ARB2A: variants seen among roughly 807,000 people sequenced by gnomAD.
ARB2A encodes the protein cotranscriptional regulator ARB2A.
At chr5:93,874,912 T>C in the ARB2A span, among the ~76,000 whole-genome samples, 1 of 152,208 alleles carries the variant, frequency 6.6e-6, no homozygotes, top group Non-Finnish European at 1.5e-5. Context: ...GAGTCTCAAC[T>C]TGAGAAATGA....
chr5:94,063,530 C>T, the ARB2A span, among the ~76,000 whole-genome samples: 4 of 152,262 alleles, frequency 2.6e-5, no homozygotes, highest in Non-Finnish European at 4.4e-5. Context: ...TATAGGCACA[C>T]AAGTAAGCCA....
chr5:93,675,824 C>T, the ARB2A span, among the ~76,000 whole-genome samples: 1 of 152,192 alleles, frequency 6.6e-6, no homozygotes, highest in South Asian at 2.1e-4. Context: ...TTCAGTGTCT[C>T]TAATTTTCTG....
the ARB2A span, among the ~76,000 whole-genome samples, chr5:93,961,727 A>C: frequency 1.2e-4 from 19 of 152,278 alleles, no homozygotes; most frequent in African/African-American, 4.1e-4. Context: ...TTAAAAAAAA[A>C]CACTGCTAAA....
the ARB2A span, among the ~76,000 whole-genome samples, chr5:93,698,831 T>C: frequency 2.6e-5 from 4 of 152,210 alleles, no homozygotes; most frequent in African/African-American, 9.7e-5. Context: ...TCATGAAGCT[T>C]ACAGTTTATT....
At chr5:93,701,745 A>G in the ARB2A span, among the ~76,000 whole-genome samples, 3 of 152,206 alleles carry the variant, frequency 2.0e-5, no homozygotes, top group African/African-American at 2.4e-5. Flanking sequence ...GTAAGCAGCA[A>G]TAACAGAATT....
chr5:93,680,449 T>C, the ARB2A span, among the ~76,000 whole-genome samples: 1 of 152,250 alleles, frequency 6.6e-6, no homozygotes, highest in Admixed American at 6.5e-5. Flanking sequence ...GAGTTATGTC[T>C]GGAATATACC....
At chr5:94,110,313 T>G in the ARB2A span, among the ~76,000 whole-genome samples, 1 of 152,368 alleles carries the variant, frequency 6.6e-6, no homozygotes, top group Non-Finnish European at 1.5e-5. Flanking sequence ...TCCCATCACC[T>G]GAACACTATC....
the ARB2A span, among the ~76,000 whole-genome samples, chr5:93,906,511 C>G: frequency 6.6e-6 from 1 of 151,458 alleles, no homozygotes; most frequent in Non-Finnish European, 1.5e-5. Flanking sequence ...GAAAAATGTA[C>G]AGCAATTTGT....
chr5:93,788,107 C>T, the ARB2A span, among the ~76,000 whole-genome samples: 1 of 151,956 alleles, frequency 6.6e-6, no homozygotes, highest in African/African-American at 2.4e-5. Context: ...GTTTAAGCTA[C>T]TAAATATCAA....
At chr5:93,978,222 A>G in the ARB2A span, among the ~76,000 whole-genome samples, 8 of 152,172 alleles carry the variant, frequency 5.3e-5, no homozygotes, top group African/African-American at 1.2e-4. Flanking sequence ...TGAAAGAACT[A>G]AAAATGGACT....
the ARB2A span, among the ~76,000 whole-genome samples, chr5:94,027,407 G>A: frequency 6.6e-6 from 1 of 152,198 alleles, no homozygotes; most frequent in Non-Finnish European, 1.5e-5. Flanking sequence ...CCTCCAAGGA[G>A]GAGAGAGGGG....
At chr5:93,964,018 G>T in the ARB2A span, among the ~76,000 whole-genome samples, 1 of 151,844 alleles carries the variant, frequency 6.6e-6, no homozygotes, top group Non-Finnish European at 1.5e-5. Flanking sequence ...AATGAATTTG[G>T]GAATGTATAG....
the ARB2A span, among the ~76,000 whole-genome samples, chr5:93,867,191 G>A: frequency 6.6e-6 from 1 of 152,050 alleles, no homozygotes; most frequent in Non-Finnish European, 1.5e-5. Flanking sequence ...CCTCTGAAAG[G>A]TACTGATATT....
the ARB2A span, among the ~76,000 whole-genome samples, chr5:93,750,113 C>T: frequency 2.0e-5 from 3 of 152,164 alleles, no homozygotes; most frequent in Non-Finnish European, 4.4e-5. Flanking sequence ...TTCAATACAT[C>T]TTTGTGTAAT....
chr5:93,762,301 G>T, the ARB2A span, among the ~76,000 whole-genome samples: 10 of 152,040 alleles, frequency 6.6e-5, no homozygotes, highest in South Asian at 1.7e-3. Flanking sequence ...TAAAAACCTT[G>T]AAAAAAAATT....
chr5:93,793,932 C>T, the ARB2A span, among the ~76,000 whole-genome samples: 1 of 152,060 alleles, frequency 6.6e-6, no homozygotes, highest in Admixed American at 6.5e-5. Flanking sequence ...TTTAATCTAC[C>T]ACACTGTTCT....
At chr5:93,937,331 G>A in the ARB2A span, among the ~76,000 whole-genome samples, 8 of 151,548 alleles carry the variant, frequency 5.3e-5, no homozygotes, top group African/African-American at 1.9e-4. Flanking sequence ...GGCTGGCCGC[G>A]GTGGTTCACA....
the ARB2A span, among the ~76,000 whole-genome samples, chr5:93,974,088 A>C: frequency 1.3e-5 from 2 of 152,214 alleles, no homozygotes; most frequent in Admixed American, 6.5e-5. Flanking sequence ...CACTCCACTT[A>C]AAAGACACTG....
the ARB2A span, among the ~76,000 whole-genome samples, chr5:94,059,194 A>G: frequency 1.3e-5 from 2 of 152,112 alleles, no homozygotes; most frequent in African/African-American, 4.8e-5. Flanking sequence ...AAAAAAAACA[A>G]TAGTTTTTAA....
Sources: gnomAD v4.1 joint callset for allele counts (sites outside exome capture counted in the v4.1 genomes callset) on GRCh38, gnomAD v4.1.1 for gene constraint, MANE v1.5 for transcripts, NCBI Gene and HGNC (gene_info 2026-07-23, HGNC 2026-07-21) for gene names.